PLEKHM3: variants seen among roughly 807,000 people sequenced by gnomAD.
PLEKHM3 encodes pleckstrin homology domain containing M3, also known as pleckstrin homology domain-containing family M member 3.
Under a neutral mutation model 81.8 loss-of-function variants are expected in PLEKHM3, and 45 were observed. The ratio of observed to expected loss-of-function variants is 0.55; its 90% CI spans 0.43 to 0.71. The LOEUF (loss-of-function observed/expected upper bound fraction) is 0.71. Ranked by LOEUF, PLEKHM3 falls within the 30% of genes least tolerant of loss-of-function variation. PLEKHM3 has a pLI of 0.00. For synonymous variants in PLEKHM3, 352 were observed against 356.4 expected (o/e 0.99, Z 0.14); for missense variants, 788 against 924.3 (o/e 0.85, Z 1.91).
intron 2 of PLEKHM3, among the ~76,000 whole-genome samples, chr2:207,999,251 C>T (rs1352853572): frequency 2.6e-5 from 4 of 151,896 alleles, no homozygotes; most frequent in East Asian, 2.0e-4. Context: ...GCTGGGATTA[C>T]AGGCATGAGC....
Position 207,826,821 on chromosome 2 carries a change from A to T in PLEKHM3, c.*1498T>A, listed in dbSNP as rs545173273. ...CATCTGCTCAGCGCGAAAGCTACAG[A>T]ATCTTCTCATAAAGTCTACTGAGAA... On this transcript the variant is annotated 3_prime_UTR_variant, in exon 8 of 8. Transcript: ENST00000427836. 1 of 152,336 alleles carries T rather than the reference A, an allele frequency of 6.6e-6. No homozygotes were observed. The highest frequency in any genetic ancestry group is 6.5e-5 in the Admixed American group (1 of 15,298). The allele number at this position is 152,336 out of a possible 1,614,324, so 9.4% of individuals were successfully genotyped here.
At chr2:207,943,894 AATGCT>A (rs1172965060) in intron 4 of PLEKHM3, among the ~76,000 whole-genome samples, 7 of 150,938 alleles carry the variant, frequency 4.6e-5, no homozygotes, top group Non-Finnish European at 1.0e-4. Context: ...AAAAAAAAGA[AATGCT>A]GTACCATATA....
At chr2:207,859,136 C>CTTTTTTTTTTTTTTT (rs371493664) in intron 7 of PLEKHM3, among the ~76,000 whole-genome samples, 1 of 118,352 alleles carries the variant, frequency 8.4e-6, no homozygotes, top group Non-Finnish European at 1.7e-5. Context: ...TTTTCTTTTT[C>CTTTTTTTTTTTTTTT]TTTTTTTTTT....
At chr2:207,879,518 A>C (rs995492336) in intron 6 of PLEKHM3, among the ~76,000 whole-genome samples, 37 of 152,270 alleles carry the variant, frequency 2.4e-4, no homozygotes, top group African/African-American at 8.0e-4. Flanking sequence ...TCCTACTGCA[A>C]GCTCTGGATC....
intron 7 of PLEKHM3, among the ~76,000 whole-genome samples, chr2:207,846,849 A>C (rs531076958): frequency 7.8e-4 from 119 of 152,336 alleles, no homozygotes; most frequent in East Asian, 2.5e-3. Flanking sequence ...TATATATTCA[A>C]TATGATTCTA....
intron 1 of PLEKHM3, among the ~76,000 whole-genome samples, chr2:208,018,923 G>A (rs1000862988): frequency 1.3e-5 from 2 of 151,722 alleles, no homozygotes; most frequent in African/African-American, 4.9e-5. Context: ...TAGAGGCCAG[G>A]AGCAGTAGCT....
At chr2:207,960,974 G>A (rs1258076573) in intron 3 of PLEKHM3, among the ~76,000 whole-genome samples, 1 of 152,176 alleles carries the variant, frequency 6.6e-6, no homozygotes, top group Non-Finnish European at 1.5e-5. Flanking sequence ...TGGTTCAACT[G>A]ATATTTTCTA....
At chr2:207,987,021 G>A (rs532423947) in intron 2 of PLEKHM3, among the ~76,000 whole-genome samples, 1 of 152,150 alleles carries the variant, frequency 6.6e-6, no homozygotes, top group African/African-American at 2.4e-5. Context: ...AAGAAAAGAA[G>A]TATCACTTCA....
chr2:207,923,903 ATATTTTTT>A (rs1358817560), intron 5 of PLEKHM3, among the ~76,000 whole-genome samples: 257 of 59,796 alleles, frequency 4.3e-3, no homozygotes, highest in African/African-American at 0.016. Flanking sequence ...ATATATATAT[ATATTTTTT>A]TTTTTTTTTT....
At chr2:207,888,906 G>T (rs1451282322) in intron 6 of PLEKHM3, among the ~76,000 whole-genome samples, 1 of 152,192 alleles carries the variant, frequency 6.6e-6, no homozygotes, top group Non-Finnish European at 1.5e-5. Context: ...TATTGTGTTT[G>T]CAGTGGTCTG....
chr2:208,003,245 C>A (rs879530492), intron 1 of PLEKHM3, among the ~76,000 whole-genome samples: 6 of 152,206 alleles, frequency 3.9e-5, no homozygotes, highest in Admixed American at 2.6e-4. Context: ...TGATTCCAGC[C>A]ATGTGGAATT....
chr2:207,904,636 T>G lies in PLEKHM3; in HGVS notation c.1950+3878A>C, dbSNP rs568206076. Among the ~76,000 whole-genome samples, 17 of 152,356 alleles carry G rather than the reference T, an allele frequency of 1.1e-4. No homozygotes were observed. In the East Asian group the frequency reaches 3.1e-3, roughly 28 times the overall value. Reference sequence around the variant, plus strand: ...AGGAGACAGTCGTTCCCAGAACAACTGGAGGGAATCTCCTTTGTAAAGCAA... The same window carrying G: ...AGGAGACAGTCGTTCCCAGAACAACGGGAGGGAATCTCCTTTGTAAAGCAA... On this transcript the variant is annotated intron_variant, in intron 6 of 7. Transcript: ENST00000427836.
chr2:207,882,858 C>G (rs772027361), intron 6 of PLEKHM3, among the ~76,000 whole-genome samples: 1 of 151,862 alleles, frequency 6.6e-6, no homozygotes, highest in East Asian at 1.9e-4. Context: ...CCGAGATTCT[C>G]GTGCCTCAGC....
At chr2:207,908,730 C>T (rs73064833) in intron 5 of PLEKHM3, among the ~76,000 whole-genome samples, 153 bp from the exon 6 acceptor site, 7,244 of 152,244 alleles carry the variant, frequency 0.048, 558 homozygotes, top group African/African-American at 0.16. Flanking sequence ...CCTGTAATAT[C>T]TTTTTCTCAG....
In PLEKHM3 at chr2:208,001,492, C is replaced by T. The variant is rs753980442; in HGVS notation, c.148G>A (p.Val50Ile). The T allele has an allele frequency of 2.5e-5, 40 of 1,614,048 alleles. No individual in the cohort carries two copies. The highest frequency in any genetic ancestry group is 8.3e-5 in the Admixed American group (5 of 60,004). Reference protein sequence around the residue: ...QEVPELVGHEVLSNITDNGAM... With the variant: ...QEVPELVGHEILSNITDNGAM... ...CCATTGTCTGTTATGTTACTGAGTA[C>T]CTCATGCCCCACCAGTTCAGGGACT... is the stretch of plus-strand genomic sequence containing the variant. Residue 50 changes from valine to isoleucine, a missense_variant, in exon 2 of 8, where the codon GTA becomes ATA. Coordinates refer to ENST00000427836, the MANE Select transcript of PLEKHM3 (RefSeq NM_001080475.3).
chr2:207,977,230 T>C lies in PLEKHM3; in HGVS notation c.967A>G (p.Ile323Val), dbSNP rs112176910. 1.5e-4 allele frequency: 235 copies of C among 1,614,086 alleles called. 2 individuals carry two copies. The highest frequency in any genetic ancestry group is 1.3e-3 in the Middle Eastern group (8 of 6,060). ...TCATGATGGCCAAGCCCTGGTGAGA[T>C]TGTCAGCTCATTCTGCCGCCCCATG... is the stretch of plus-strand genomic sequence containing the variant. ...GYMGRQNELT[I>V]SPGLGHHDDY... is the part of the protein sequence containing the mutation. Residue 323 changes from isoleucine (I) to valine (V), a missense_variant, in exon 3 of 8, where the codon ATC (isoleucine) becomes GTC (valine). By Grantham distance (29) the Ile-to-Val change is conservative (BLOSUM62 3). Coordinates refer to ENST00000427836, the MANE Select transcript of PLEKHM3 (RefSeq NM_001080475.3).
intron 6 of PLEKHM3, among the ~76,000 whole-genome samples, chr2:207,896,100 A>C (rs1688214078): frequency 1.3e-5 from 2 of 152,332 alleles, no homozygotes; most frequent in African/African-American, 4.8e-5. Context: ...AAGCAGATAC[A>C]CGCAGAAAGA....
chr2:207,928,957 G>A (rs1489204150), intron 5 of PLEKHM3, among the ~76,000 whole-genome samples: 1 of 152,130 alleles, frequency 6.6e-6, no homozygotes, highest in Non-Finnish European at 1.5e-5. Flanking sequence ...AAATAGGAAG[G>A]TAAGAAAAAG....
At chr2:207,870,415 C>T (rs1287167337) in intron 6 of PLEKHM3, among the ~76,000 whole-genome samples, 1 of 152,204 alleles carries the variant, frequency 6.6e-6, no homozygotes, top group Non-Finnish European at 1.5e-5. Context: ...AAGAGGGCTG[C>T]TGCACTTGAC....
Sources: gnomAD v4.1 joint callset for allele counts (sites outside exome capture counted in the v4.1 genomes callset) on GRCh38, gnomAD v4.1.1 for gene constraint, MANE v1.5 for transcripts, NCBI Gene and HGNC (gene_info 2026-07-23, HGNC 2026-07-21) for gene names.